Variants in SNX18 observed in about 807,000 individuals in gnomAD.
The protein encoded by SNX18 is sorting nexin-18.
In SNX18, 35 loss-of-function variants were observed where a neutral mutation model predicts 48.7. The ratio of observed to expected loss-of-function variants is 0.72; its 90% confidence interval spans 0.55 to 0.95. The LOEUF (loss-of-function observed/expected upper bound fraction) is 0.95. Ranked by LOEUF, SNX18 falls within the 40% of genes least tolerant of loss-of-function variation. The pLI, the probability that SNX18 is intolerant of heterozygous loss-of-function variation, is 0.00. For synonymous variants in SNX18, 492 were observed against 384.7 expected, an observed-to-expected ratio of 1.28 and a Z score of -3.26; for missense variants, 824 against 871.0, an observed-to-expected ratio of 0.95 and a Z score of 0.68.
At chr5:54,640,147 C>G in the SNX18 span, among the ~76,000 whole-genome samples, 1 of 152,124 alleles carries the variant, frequency 6.6e-6, no homozygotes, top group East Asian at 1.9e-4. Context: ...CCTCAAATAC[C>G]TCCTTAAGCT....
At chr5:54,586,567 C>T in the SNX18 span, among the ~76,000 whole-genome samples, 218 of 152,288 alleles carry the variant, frequency 1.4e-3, no homozygotes, top group African/African-American at 4.7e-3. Context: ...GTGCAAGACA[C>T]GGATTAAATC....
rs1334800518 is a variant in SNX18, at chr5:54,544,369, G to GT, written c.*942dup. On this transcript the variant is annotated 3_prime_UTR_variant, in exon 2 of 2. Coordinates refer to ENST00000381410, the MANE Select transcript of SNX18 (RefSeq NM_001102575.2). ...TTAGGAGGGTTTTGTTTTTGTTTTT[G>GT]TTTTTAGGTTGAAGATTTTCTTTTA... 1 of 150,736 alleles carries GT rather than the reference G, an allele frequency of 6.6e-6. No individual in the cohort carries two copies. Among genetic ancestry groups the GT allele is most frequent in the Non-Finnish European group, 1.5e-5 (1 of 67,842 alleles). 9.3% of individuals were successfully genotyped at this position (150,736 alleles called of 1,614,324 possible).
At chr5:54,602,329 G>A in the SNX18 span, among the ~76,000 whole-genome samples, 1 of 152,202 alleles carries the variant, frequency 6.6e-6, no homozygotes, top group Non-Finnish European at 1.5e-5. Context: ...ATGGCCAGGA[G>A]GATAGGTAGG....
the SNX18 span, among the ~76,000 whole-genome samples, chr5:54,592,903 C>A: frequency 6.6e-6 from 1 of 152,180 alleles, no homozygotes. Flanking sequence ...CAGGTTCAAG[C>A]GATTCTCATG....
chr5:54,562,006 T>C, the SNX18 span, among the ~76,000 whole-genome samples: 3 of 152,232 alleles, frequency 2.0e-5, no homozygotes, highest in Non-Finnish European at 4.4e-5. Flanking sequence ...TTTTTTCTGA[T>C]GATAAAATTA....
intron 1 of SNX18, among the ~76,000 whole-genome samples, chr5:54,538,217 AT>A (rs1354674428): frequency 2.6e-5 from 4 of 152,202 alleles, no homozygotes; most frequent in Non-Finnish European, 4.4e-5. Context: ...TAATAATACT[AT>A]TTCACTCACA....
the SNX18 span, among the ~76,000 whole-genome samples, chr5:54,595,066 C>A: frequency 7.4e-3 from 1,122 of 152,158 alleles, 12 homozygotes; most frequent in Non-Finnish European, 0.012. Context: ...TTCATTTAAT[C>A]CACTGTTGAT....
intron 1 of SNX18, chr5:54,520,912 G>A (rs1186133840): frequency 6.0e-6 from 1 of 167,036 alleles, no homozygotes; most frequent in Non-Finnish European, 1.5e-5. Flanking sequence ...AACTTTCTTG[G>A]CAATTTGCGA....
intron 1 of SNX18, among the ~76,000 whole-genome samples, chr5:54,536,249 A>G (rs960560039): frequency 1.3e-5 from 2 of 151,856 alleles, no homozygotes; most frequent in African/African-American, 4.8e-5. Flanking sequence ...TTTTTATTAT[A>G]CTTTAAGTTC....
At chr5:54,535,261 T>C (rs1200299578) in intron 1 of SNX18, among the ~76,000 whole-genome samples, 1 of 152,082 alleles carries the variant, frequency 6.6e-6, no homozygotes, top group Non-Finnish European at 1.5e-5. Context: ...AGAAAAAAGG[T>C]AGGAGGGGAT....
chr5:54,519,548 C>T lies in SNX18; in HGVS notation c.1596C>T (p.Phe532=). The T allele has an allele frequency of 1.2e-6, 2 of 1,614,206 alleles. No homozygotes were observed. Among genetic ancestry groups the T allele is most frequent in the Non-Finnish European group, 1.7e-6 (2 of 1,180,036 alleles). The change falls in exon 1 of 2, where the codon TTC becomes TTT. Residue 532 remains phenylalanine, a synonymous_variant. Transcript: ENST00000381410. ...TGTATCAGGGGCATCTGGCTAACTT[C>T]CCGGACATCATCCACGTTCAGAAAG... is the stretch of plus-strand genomic sequence containing the variant. ...LALYQGHLAN[F]PDIIHVQKGA... is the part of the protein sequence containing the mutation.
At chr5:54,536,729 C>A (rs1762364129) in intron 1 of SNX18, among the ~76,000 whole-genome samples, 1 of 152,082 alleles carries the variant, frequency 6.6e-6, no homozygotes, top group Admixed American at 6.5e-5. Context: ...ATTTATAATC[C>A]TTTGGATATA....
chr5:54,526,415 T>C (rs1321134223), intron 1 of SNX18, among the ~76,000 whole-genome samples: 4 of 152,176 alleles, frequency 2.6e-5, no homozygotes, highest in Admixed American at 1.3e-4. Flanking sequence ...GCCTCTGATA[T>C]TGATCTTATA....
chr5:54,614,244 T>G, the SNX18 span, among the ~76,000 whole-genome samples: 1 of 152,148 alleles, frequency 6.6e-6, no homozygotes, highest in Non-Finnish European at 1.5e-5. Flanking sequence ...ATTCTGTTGT[T>G]GGTTCTGGGT....
chr5:54,633,225 T>TCCTA, the SNX18 span, among the ~76,000 whole-genome samples: 20 of 152,284 alleles, frequency 1.3e-4, no homozygotes, highest in South Asian at 4.1e-4. Context: ...GAGTCCTTTG[T>TCCTA]CCTAGATCAG....
chr5:54,537,304 T>G (rs1293534480), intron 1 of SNX18, among the ~76,000 whole-genome samples: 1 of 152,256 alleles, frequency 6.6e-6, no homozygotes, highest in Non-Finnish European at 1.5e-5. Context: ...TTAGGTTTTT[T>G]AAAGAGTATA....
the SNX18 span, among the ~76,000 whole-genome samples, chr5:54,624,990 C>T: frequency 1.3e-5 from 2 of 152,128 alleles, no homozygotes; most frequent in African/African-American, 4.8e-5. Context: ...ATTTTTTTCC[C>T]TCCATGGCTA....
chr5:54,543,927 C>T lies in SNX18; in HGVS notation c.*495C>T, dbSNP rs1430890311. 1 of 152,672 alleles carries T rather than the reference C, an allele frequency of 6.5e-6. No individual in the cohort carries two copies. Among genetic ancestry groups the T allele is most frequent in the Non-Finnish European group, 1.5e-5 (1 of 68,552 alleles). 9.5% of individuals were successfully genotyped at this position (152,672 alleles called of 1,614,324 possible). Reference sequence around the variant, plus strand: ...CTCTTGGTTTTTCATTTCTCCCCGTCCCTTCCCCACCTTTTTAAAGTAAGC... The same window carrying T: ...CTCTTGGTTTTTCATTTCTCCCCGTTCCTTCCCCACCTTTTTAAAGTAAGC... On this transcript the variant is annotated 3_prime_UTR_variant, in exon 2 of 2. Transcript: ENST00000381410.
chr5:54,555,349 G>A, the SNX18 span, among the ~76,000 whole-genome samples: 5 of 151,074 alleles, frequency 3.3e-5, no homozygotes, highest in Admixed American at 2.6e-4. Flanking sequence ...CCATTTTCCA[G>A]TGTTCAGCAT....
Sources: allele counts gnomAD v4.1 joint callset (sites outside exome capture counted in the v4.1 genomes callset), GRCh38; gene constraint gnomAD v4.1.1; transcripts MANE v1.5; gene names NCBI Gene and HGNC (gene_info 2026-07-23, HGNC 2026-07-21).